Variants in NUDCD3 observed in about 807,000 individuals in gnomAD.
NUDCD3 encodes nudC domain-containing protein 3.
In NUDCD3, 13 loss-of-function variants were observed where a neutral mutation model predicts 39.7. That is an observed-to-expected ratio of 0.33 (90% CI 0.21 to 0.52). The LOEUF is 0.52. NUDCD3 is among the 20% of genes least tolerant of loss of function. NUDCD3 has a pLI of 0.96. For synonymous variants in NUDCD3, 175 were observed against 172.4 expected, an observed-to-expected ratio of 1.02 and a Z score of -0.12; for missense variants, 453 against 458.1, an observed-to-expected ratio of 0.99 and a Z score of 0.10.
chr7:44,472,781 A>G (rs1011353706), intron 2 of NUDCD3, among the ~76,000 whole-genome samples: 12 of 152,222 alleles, frequency 7.9e-5, no homozygotes. Context: ...ACCAAAGAAG[A>G]AAAGGTAACA....
chr7:44,488,338 G>GAAA (rs368893785), intron 1 of NUDCD3, among the ~76,000 whole-genome samples: 1 of 108,248 alleles, frequency 9.2e-6, no homozygotes, highest in Non-Finnish European at 1.9e-5. Flanking sequence ...CCATCTCCAG[G>GAAA]AAAAAAAAAA....
At chr7:44,434,237 T>C (rs1372084028) in intron 2 of NUDCD3, among the ~76,000 whole-genome samples, 1 of 152,122 alleles carries the variant, frequency 6.6e-6, no homozygotes, top group East Asian at 1.9e-4. Context: ...ACCCCAGCCC[T>C]GGGCCCCCAG....
intron 2 of NUDCD3, among the ~76,000 whole-genome samples, chr7:44,463,508 T>A (rs948530971): frequency 1.2e-4 from 18 of 152,034 alleles, no homozygotes; most frequent in African/African-American, 4.1e-4. Flanking sequence ...CAGCTGAGTA[T>A]CCCCAAACCC....
At chr7:44,463,969 T>TC (rs1301535336) in intron 2 of NUDCD3, among the ~76,000 whole-genome samples, 5 of 152,046 alleles carry the variant, frequency 3.3e-5, no homozygotes, top group African/African-American at 1.2e-4. Flanking sequence ...ATCCCAGCAC[T>TC]TTGGGAGGCT....
intron 2 of NUDCD3, among the ~76,000 whole-genome samples, chr7:44,472,869 G>C (rs1800284045): frequency 6.6e-6 from 1 of 152,194 alleles, no homozygotes; most frequent in African/African-American, 2.4e-5. Flanking sequence ...TAGCAACCTA[G>C]CAGTGAGAGA....
chr7:44,481,140 G>A (rs891345995), intron 2 of NUDCD3, among the ~76,000 whole-genome samples: 3 of 152,104 alleles, frequency 2.0e-5, no homozygotes, highest in Non-Finnish European at 4.4e-5. Context: ...GGGAGAATGT[G>A]CATAGGTTAT....
At chr7:44,455,957 C>G (rs1199809911) in intron 2 of NUDCD3, among the ~76,000 whole-genome samples, 3 of 123,636 alleles carry the variant, frequency 2.4e-5, no homozygotes, top group Non-Finnish European at 4.8e-5. Flanking sequence ...ACCCGGGAGG[C>G]GGAGCTTGCA....
chr7:44,445,646 C>T (rs1017213724), intron 2 of NUDCD3, among the ~76,000 whole-genome samples: 26 of 152,280 alleles, frequency 1.7e-4, no homozygotes, highest in Admixed American at 3.9e-4. Flanking sequence ...TGTGTGCACA[C>T]AGGTGTGCAC....
intron 2 of NUDCD3, among the ~76,000 whole-genome samples, chr7:44,439,114 G>C (rs1040362967): frequency 6.6e-6 from 1 of 152,160 alleles, no homozygotes; most frequent in African/African-American, 2.4e-5. Context: ...ACTGAGCAGT[G>C]AGAGCGGGTG....
At position 44,393,274 on chromosome 7, in the gene NUDCD3, C is replaced by T. The variant is rs117498306; in HGVS notation, c.787-789G>A. Among the ~76,000 whole-genome samples the T allele has an allele frequency of 5.8e-3, 880 of 152,272 alleles. 8 individuals are homozygous for T. Among genetic ancestry groups the T allele is most frequent in the Non-Finnish European group, 8.9e-3 (604 of 68,008 alleles). On this transcript the variant is annotated intron_variant, in intron 4 of 5. Transcript: ENST00000355451. ...CATCCCTTGGTCAAAGGAAGCAGCA[C>T]CCAGCATTTAAGATCCAGCCCTCAG... is the stretch of plus-strand genomic sequence containing the variant.
intron 2 of NUDCD3, among the ~76,000 whole-genome samples, chr7:44,455,811 G>A (rs1386297701): frequency 6.6e-6 from 1 of 151,682 alleles, no homozygotes; most frequent in Non-Finnish European, 1.5e-5. Flanking sequence ...CGGATCACGA[G>A]GTCAGGAGAT....
chr7:44,420,344 ACT>A (rs1423458797), intron 3 of NUDCD3, among the ~76,000 whole-genome samples: 1 of 152,136 alleles, frequency 6.6e-6, no homozygotes, highest in Non-Finnish European at 1.5e-5. Flanking sequence ...GAAATATGGG[ACT>A]CTGTGAAAAG....
chr7:44,394,541 T>A (rs181959368), intron 4 of NUDCD3, among the ~76,000 whole-genome samples: 58 of 152,294 alleles, frequency 3.8e-4, no homozygotes, highest in Middle Eastern at 3.4e-3. Flanking sequence ...AAAGAAGAGA[T>A]CCTTTACGAA....
chr7:44,405,364 G>A (rs940927583), intron 3 of NUDCD3, among the ~76,000 whole-genome samples: 1 of 152,200 alleles, frequency 6.6e-6, no homozygotes, highest in African/African-American at 2.4e-5. Context: ...TGGACTGGCA[G>A]CTGTGGGAGT....
chr7:44,468,050 C>A (rs1190384324), intron 2 of NUDCD3: 9 of 1,612,712 alleles, frequency 5.6e-6, no homozygotes, highest in Middle Eastern at 1.6e-4. Flanking sequence ...ATTCAAGGGC[C>A]AGATCTTGAT....
chr7:44,380,080 C>A lies in NUDCD3; in HGVS notation c.*5931G>T, dbSNP rs531451968. 8 of 152,388 alleles carry A rather than the reference C, an allele frequency of 5.2e-5. No homozygotes were observed. The highest frequency in any genetic ancestry group is 1.9e-4 in the African/African-American group (8 of 41,554). The allele number at this position is 152,388 out of a possible 1,614,324, so 9.4% of individuals were successfully genotyped here. Reference sequence around the variant, plus strand: ...ATACCTTCCTACCAGGACATGAGAGCCCACAGTGGCTGGGGTCTTGTCATC... The same window carrying A: ...ATACCTTCCTACCAGGACATGAGAGACCACAGTGGCTGGGGTCTTGTCATC... On this transcript the variant is annotated 3_prime_UTR_variant, in exon 6 of 6. Coordinates refer to ENST00000355451, the MANE Select transcript of NUDCD3 (RefSeq NM_015332.4).
At chr7:44,480,650 C>A (rs1800470494) in intron 2 of NUDCD3, among the ~76,000 whole-genome samples, 2 of 151,910 alleles carry the variant, frequency 1.3e-5, no homozygotes, top group Non-Finnish European at 1.5e-5. Flanking sequence ...CAAAAATATT[C>A]CCAAAAAATG....
intron 1 of NUDCD3, among the ~76,000 whole-genome samples, chr7:44,486,853 G>C (rs185163930): frequency 2.4e-3 from 369 of 152,276 alleles, no homozygotes; most frequent in African/African-American, 8.4e-3. Context: ...ACCAGGAAGT[G>C]CTACCACTGC....
At chr7:44,468,119 CG>C (rs1429047519) in intron 2 of NUDCD3, 1 of 1,608,060 alleles carries the variant, frequency 6.2e-7, no homozygotes, top group Non-Finnish European at 8.5e-7. Context: ...CAGTGGCTTC[CG>C]GAAGTTCCTG....
Sources: allele counts gnomAD v4.1 joint callset (sites outside exome capture counted in the v4.1 genomes callset), GRCh38; gene constraint gnomAD v4.1.1; transcripts MANE v1.5; gene names NCBI Gene and HGNC (gene_info 2026-07-23, HGNC 2026-07-21).